RCSD1: variants seen among roughly 807,000 people sequenced by gnomAD.
RCSD1 encodes the protein capZ-interacting protein.
In RCSD1, 26 loss-of-function variants were observed where a neutral mutation model predicts 42.5. That is an observed-to-expected ratio of 0.61 (90% CI 0.45 to 0.85). The LOEUF is 0.85. Ranked by LOEUF, RCSD1 falls within the 40% of genes least tolerant of loss-of-function variation. The probability of loss-of-function intolerance (pLI) is 0.00; values close to 1 mark genes in which losing one functional copy is unlikely to be tolerated. For synonymous variants in RCSD1, 220 were observed against 212.2 expected, an observed-to-expected ratio of 1.04 and a Z score of -0.32; for missense variants, 571 against 528.3, an observed-to-expected ratio of 1.08 and a Z score of -0.79.
intron 3 of RCSD1, among the ~76,000 whole-genome samples, chr1:167,687,114 G>T (rs1659252270): frequency 6.6e-6 from 1 of 152,192 alleles, no homozygotes; most frequent in South Asian, 2.1e-4. Flanking sequence ...GGCTTATAAT[G>T]GCCAAGGGCT....
chr1:167,678,419 C>A (rs1232064527), intron 1 of RCSD1, among the ~76,000 whole-genome samples: 1 of 148,430 alleles, frequency 6.7e-6, no homozygotes, highest in African/African-American at 2.6e-5. Context: ...GGCTTTCAAC[C>A]CAGAAGCAAA....
intron 1 of RCSD1, among the ~76,000 whole-genome samples, chr1:167,667,958 T>TA (rs1356088749): frequency 3.9e-5 from 6 of 152,040 alleles, no homozygotes; most frequent in Non-Finnish European, 8.8e-5. Flanking sequence ...GCTCAGCAAT[T>TA]ACAGTAGAAA....
chr1:167,680,267 G>A (rs1359534402), intron 1 of RCSD1, among the ~76,000 whole-genome samples: 3 of 151,934 alleles, frequency 2.0e-5, no homozygotes, highest in African/African-American at 7.2e-5. Flanking sequence ...TCAAGGCAAT[G>A]ACCAGGACCT....
chr1:167,655,190 C>G (rs754159241), intron 1 of RCSD1, among the ~76,000 whole-genome samples: 8 of 152,164 alleles, frequency 5.3e-5, no homozygotes, highest in Non-Finnish European at 7.3e-5. Flanking sequence ...GAACCTGCCC[C>G]AAGACCCTCA....
At chr1:167,675,990 C>G (rs1658941872) in intron 1 of RCSD1, among the ~76,000 whole-genome samples, 1 of 152,122 alleles carries the variant, frequency 6.6e-6, no homozygotes, top group Admixed American at 6.5e-5. Context: ...TGCTGCTAGC[C>G]CCATAGCCAA....
chr1:167,636,087 C>G (rs1268625733), intron 1 of RCSD1, among the ~76,000 whole-genome samples: 1 of 152,186 alleles, frequency 6.6e-6, no homozygotes, highest in Non-Finnish European at 1.5e-5. Flanking sequence ...GTCAGCCTCC[C>G]GTTTTTTTCC....
intron 1 of RCSD1, among the ~76,000 whole-genome samples, chr1:167,649,951 G>A (rs1218234549): frequency 6.6e-6 from 1 of 152,202 alleles, no homozygotes; most frequent in Admixed American, 6.5e-5. Context: ...GTGTGTCCAT[G>A]TGTGTGCCAG....
chr1:167,667,941 T>C (rs1040079097), intron 1 of RCSD1, among the ~76,000 whole-genome samples: 3 of 152,140 alleles, frequency 2.0e-5, no homozygotes, highest in African/African-American at 7.2e-5. Context: ...TAACACATGG[T>C]CTGTGTGCTC....
chr1:167,702,754 G>A (rs1312661414), intron 6 of RCSD1, among the ~76,000 whole-genome samples: 2 of 152,154 alleles, frequency 1.3e-5, no homozygotes, highest in African/African-American at 2.4e-5. Flanking sequence ...ACTCTGGCCT[G>A]GGTGACAGAG....
chr1:167,655,155 A>G (rs980792518), intron 1 of RCSD1, among the ~76,000 whole-genome samples: 4 of 152,036 alleles, frequency 2.6e-5, no homozygotes, highest in African/African-American at 9.7e-5. Context: ...CCTCCTGCAA[A>G]AGAAATCTTA....
intron 1 of RCSD1, among the ~76,000 whole-genome samples, chr1:167,636,614 A>G (rs1223321866): frequency 1.3e-5 from 2 of 151,376 alleles, no homozygotes; most frequent in African/African-American, 2.4e-5. Context: ...TTTTAGACGG[A>G]GTTTTGCTCT....
At chr1:167,683,276 G>T (rs1351339429) in intron 1 of RCSD1, among the ~76,000 whole-genome samples, 1 of 152,182 alleles carries the variant, frequency 6.6e-6, no homozygotes, top group Admixed American at 6.5e-5. Flanking sequence ...ACTGATGAGG[G>T]ATGTGCTACA....
chr1:167,642,278 G>GGCTGTGTCTGGAAGTAAT (rs1658024719), intron 1 of RCSD1, among the ~76,000 whole-genome samples: 1 of 151,966 alleles, frequency 6.6e-6, no homozygotes, highest in African/African-American at 2.4e-5. Flanking sequence ...CTGGAAGTAA[G>GGCTGTGTCTGGAAGTAAT]ACTGTGTCTT....
chr1:167,667,890 T>A (rs868806409), intron 1 of RCSD1, among the ~76,000 whole-genome samples: 90 of 152,200 alleles, frequency 5.9e-4, no homozygotes, highest in African/African-American at 2.1e-3. Flanking sequence ...TTACCGGCAT[T>A]TACTGAGTAC....
At chr1:167,698,749 C>T (rs1044722599) in intron 6 of RCSD1, among the ~76,000 whole-genome samples, 5 of 152,230 alleles carry the variant, frequency 3.3e-5, no homozygotes, top group Admixed American at 6.5e-5. Context: ...CCACTATCAG[C>T]TTCCTGCTAC....
chr1:167,636,530 T>C (rs148883449), intron 1 of RCSD1, among the ~76,000 whole-genome samples: 1 of 152,338 alleles, frequency 6.6e-6, no homozygotes, highest in African/African-American at 2.4e-5. Flanking sequence ...CTGAATCTTT[T>C]ATAATTAATC....
intron 1 of RCSD1, among the ~76,000 whole-genome samples, chr1:167,633,085 C>T (rs1657746090): frequency 6.6e-6 from 1 of 152,232 alleles, no homozygotes; most frequent in African/African-American, 2.4e-5. Context: ...ACTCAATATT[C>T]ATTCTCTAAA....
intron 1 of RCSD1, chr1:167,630,753 A>AAAAAAAAAAAAAAAAAAAAAAAAAAAAG (rs1657677831): frequency 4.1e-6 from 1 of 245,832 alleles, no homozygotes; most frequent in Non-Finnish European, 7.5e-6. Context: ...AAAAAAAAAA[A>AAAAAAAAAAAAAAAAAAAAAAAAAAAAG]GTTAGGTGCA....
At chr1:167,676,875 C>G (rs1200690968) in intron 1 of RCSD1, among the ~76,000 whole-genome samples, 1 of 152,228 alleles carries the variant, frequency 6.6e-6, no homozygotes, top group Non-Finnish European at 1.5e-5. Flanking sequence ...GGTGACAATG[C>G]CAAGTCCTGG....
Sources: allele counts gnomAD v4.1 joint callset (sites outside exome capture counted in the v4.1 genomes callset), GRCh38; gene constraint gnomAD v4.1.1; transcripts MANE v1.5; gene names NCBI Gene and HGNC (gene_info 2026-07-23, HGNC 2026-07-21).